The following ATP5PO variants were observed in gnomAD, a reference collection of about 807,000 sequenced individuals.
The protein encoded by ATP5PO is ATP synthase peripheral stalk subunit OSCP, mitochondrial.
Under a neutral mutation model 26.2 loss-of-function variants are expected in ATP5PO, and 14 were observed. The observed-to-expected ratio is 0.53, with a 90% confidence interval of 0.35 to 0.83. The LOEUF is 0.83. ATP5PO is among the 40% of genes least tolerant of loss of function. The probability of loss-of-function intolerance (pLI) is 0.01; values close to 1 mark genes in which losing one functional copy is unlikely to be tolerated. For synonymous variants in ATP5PO, 106 were observed against 95.1 expected (o/e 1.12, Z -0.67); for missense variants, 241 against 258.5 (o/e 0.93, Z 0.46).
rs753831468 is a variant in ATP5PO at position 33,903,693 on chromosome 21, A to C, written c.529-54T>G. On this transcript the variant is annotated intron_variant, in intron 6 of 6. Transcript: ENST00000290299. The stretch of plus-strand genomic sequence containing the variant: ...AAAACGCGCTAATCAAATGGGACAC[A>C]CAAAAAAGTGTTTTGAAAGGCTAAA... 8.9e-6 allele frequency: 14 copies of C among 1,575,974 alleles called. No homozygotes were observed. In the South Asian group the frequency reaches 1.6e-4, roughly 17 times the overall value.
chr21:33,909,293 T>C (rs1044451504), intron 3 of ATP5PO, 82 bp from the exon 4 acceptor site: 10 of 1,475,164 alleles, frequency 6.8e-6, no homozygotes, highest in Non-Finnish European at 9.2e-6. Context: ...CTTTCTTTCT[T>C]TTTTGGAGAC....
intron 4 of ATP5PO, 59 bp downstream of exon 4, chr21:33,909,023 G>A: frequency 2.6e-6 from 4 of 1,518,404 alleles, no homozygotes; most frequent in Non-Finnish European, 3.6e-6. Context: ...CACAGTCCAT[G>A]GACCACATTT....
rs565081647 is a variant in ATP5PO, at chr21:33,915,359, G to T, written c.36+369C>A. The T allele has an allele frequency of 6.0e-5, 18 of 299,206 alleles. No homozygotes were observed. In the South Asian group the frequency reaches 7.0e-4, roughly 12 times the overall value. The allele number at this position is 299,206 out of a possible 1,614,324, so 18.5% of individuals were successfully genotyped here. On this transcript the variant is annotated intron_variant, in intron 1 of 6. Transcript: ENST00000290299. ...TTACAAATATTCCTTAGCATTACTA[G>T]TAAGTGATCTCTGACAGGTTTTACC...
intron 1 of ATP5PO, chr21:33,914,826 C>G (rs1160668569): frequency 7.9e-6 from 2 of 254,192 alleles, no homozygotes; most frequent in African/African-American, 2.2e-5. Context: ...AAAATTTTGG[C>G]GTTTCTATTA....
At chr21:33,905,175 TG>T (rs1209351658) in intron 5 of ATP5PO, among the ~76,000 whole-genome samples, 1 of 152,114 alleles carries the variant, frequency 6.6e-6, no homozygotes, top group Non-Finnish European at 1.5e-5. Flanking sequence ...TGGGGGGTGC[TG>T]GTGGTGGCCA....
chr21:33,905,167 G>A (rs569649523), intron 5 of ATP5PO, among the ~76,000 whole-genome samples: 3 of 151,716 alleles, frequency 2.0e-5, no homozygotes, highest in Admixed American at 6.6e-5. Context: ...TTTGGGGGTG[G>A]GGGGTGCTGG....
At chr21:33,912,243 T>A in intron 3 of ATP5PO, 46 bp downstream of exon 3, 1 of 1,529,710 alleles carries the variant, frequency 6.5e-7, no homozygotes, top group South Asian at 1.2e-5. Context: ...AAGGAAAAAA[T>A]ATACAAACAG....
rs1379285793 is a variant in ATP5PO at position 33,909,181 on chromosome 21, A to G, written c.229T>C (p.Ser77Pro). 1 of 1,613,688 alleles carries G rather than the reference A, an allele frequency of 6.2e-7. No individual in the cohort carries two copies. The highest frequency in any genetic ancestry group is 2.2e-5 in the East Asian group (1 of 44,896). ...QILKEPKVAASVLNPYVKRSI... is the reference protein window; with the variant it reads ...QILKEPKVAAPVLNPYVKRSI... ...CGCTTCACATAGGGATTCAAAACAG[A>G]AGCAGCCACTTTGGGTTCCTTCAGG... The change falls in exon 4 of 7, where the codon TCT becomes CCT. Residue 77 changes from serine to proline, a missense_variant. Transcript: ENST00000290299.
intron 4 of ATP5PO, 56 bp from the exon 5 acceptor site, chr21:33,907,509 G>T: frequency 6.8e-7 from 1 of 1,464,002 alleles, no homozygotes; most frequent in Non-Finnish European, 9.6e-7. Context: ...AGTTATTCAT[G>T]AAGTTGTATA....
intron 4 of ATP5PO, 102 bp from the exon 5 acceptor site, chr21:33,907,555 A>G (rs1490176018): frequency 2.1e-6 from 2 of 945,816 alleles, no homozygotes; most frequent in Admixed American, 4.1e-5. Flanking sequence ...TTGTGGCCTT[A>G]AAACACCATA....
At chr21:33,909,061 T>A (rs750858777) in intron 4 of ATP5PO, 21 bp downstream of exon 4, 2 of 1,578,098 alleles carry the variant, frequency 1.3e-6, no homozygotes, top group South Asian at 2.3e-5. Context: ...ACACCTCAAA[T>A]GAAAAAGTTC....
chr21:33,905,630 T>C (rs907795499), intron 5 of ATP5PO, among the ~76,000 whole-genome samples: 1 of 152,162 alleles, frequency 6.6e-6, no homozygotes, highest in Non-Finnish European at 1.5e-5. Flanking sequence ...CATGGCCTTG[T>C]GGCTGTGCAC....
At chr21:33,908,030 T>C (rs1464803721) in intron 4 of ATP5PO, among the ~76,000 whole-genome samples, 2 of 151,930 alleles carry the variant, frequency 1.3e-5, no homozygotes, top group Admixed American at 1.3e-4. Context: ...ACTCAAAAAT[T>C]AGTGGCGCAT....
In ATP5PO at chr21:33,903,624, A is replaced by AGAT; in HGVS notation, c.541_543dup (p.Ile181dup). On this transcript the variant is annotated inframe_insertion, in exon 7 of 7. Coordinates refer to ENST00000290299, the MANE Select transcript of ATP5PO (RefSeq NM_001697.3). The stretch of plus-strand genomic sequence containing the variant: ...CCAATGCGCACAATCATTCCACCCA[A>AGAT]GATTGACGGATCAGTCTACAAAAGA... 6.2e-7 allele frequency: 1 copy of AGAT among 1,614,146 alleles called. No homozygotes were observed. Among genetic ancestry groups the AGAT allele is most frequent in the Non-Finnish European group, 8.5e-7 (1 of 1,180,004 alleles).
At position 33,914,515 on chromosome 21, in the gene ATP5PO, A is replaced by G. The variant is rs1987289237; in HGVS notation, c.37-15T>C. The G allele has an allele frequency of 6.2e-7, 1 of 1,609,744 alleles. No individual in the cohort carries two copies. The highest frequency in any genetic ancestry group is 8.5e-7 in the Non-Finnish European group (1 of 1,178,362). On this transcript the variant is annotated splice_polypyrimidine_tract_variant and intron_variant, in intron 1 of 6. Coordinates refer to ENST00000290299, the MANE Select transcript of ATP5PO (RefSeq NM_001697.3). ...AAGCATCGCACCTTCAAAGCAATAAAGGAAAATAGATCAAACAAAATTACT... is the reference window on the plus strand; with the variant it reads ...AAGCATCGCACCTTCAAAGCAATAAGGGAAAATAGATCAAACAAAATTACT...
chr21:33,906,108 A>C (rs902138670), intron 5 of ATP5PO, among the ~76,000 whole-genome samples: 1 of 152,012 alleles, frequency 6.6e-6, no homozygotes, highest in East Asian at 1.9e-4. Context: ...AGCCAGGCAC[A>C]TGTTTTGGGG....
chr21:33,912,041 C>A (rs965413747), intron 3 of ATP5PO, among the ~76,000 whole-genome samples: 2 of 152,100 alleles, frequency 1.3e-5, no homozygotes, highest in African/African-American at 4.8e-5. Flanking sequence ...CCATTTTAAT[C>A]TTATATTTCT....
intron 2 of ATP5PO, among the ~76,000 whole-genome samples, chr21:33,913,264 T>C (rs1298456900): frequency 2.6e-5 from 4 of 152,216 alleles, no homozygotes; most frequent in East Asian, 1.9e-4. Flanking sequence ...GATAATTATC[T>C]TCCTAAATTC....
At chr21:33,911,575 TAAAAC>T (rs1987247284) in intron 3 of ATP5PO, among the ~76,000 whole-genome samples, 1 of 151,124 alleles carries the variant, frequency 6.6e-6, no homozygotes, top group Non-Finnish European at 1.5e-5. Flanking sequence ...ATATGGCAAT[TAAAAC>T]CTGAGGAAAA....
Sources: allele counts gnomAD v4.1 joint callset (sites outside exome capture counted in the v4.1 genomes callset), GRCh38; gene constraint gnomAD v4.1.1; transcripts MANE v1.5; gene names NCBI Gene and HGNC (gene_info 2026-07-23, HGNC 2026-07-21).